FGF2: variants seen among roughly 807,000 people sequenced by gnomAD.
The protein encoded by FGF2 is fibroblast growth factor 2, also known as basic fibroblast growth factor bFGF.
In FGF2, 13 loss-of-function variants were observed where a neutral mutation model predicts 15.9. The ratio of observed to expected loss-of-function variants is 0.82; its 90% CI spans 0.53 to 1.30. The LOEUF is 1.30. Among genes scored for constraint, FGF2 ranks in the 50% most tolerant of loss-of-function variants. The pLI is 0.00. For missense variants in FGF2, 163 were observed against 196.9 expected, an observed-to-expected ratio of 0.83 and a Z score of 1.03; for synonymous variants, 90 against 78.4, an observed-to-expected ratio of 1.15 and a Z score of -0.78.
At chr4:122,861,518 T>TC (rs1315781389) in intron 1 of FGF2, among the ~76,000 whole-genome samples, 4 of 152,002 alleles carry the variant, frequency 2.6e-5, no homozygotes, top group African/African-American at 9.7e-5. Context: ...TCTTTTTACC[T>TC]CCCTCCCTTC....
intron 2 of FGF2, among the ~76,000 whole-genome samples, chr4:122,890,398 TA>T (rs2150791721): frequency 1.3e-5 from 2 of 152,302 alleles, no homozygotes; most frequent in South Asian, 4.1e-4. Flanking sequence ...TCTTTATGAG[TA>T]ACGTATTACA....
intron 1 of FGF2, among the ~76,000 whole-genome samples, chr4:122,859,660 A>ACACACACACATG (rs1726422228): frequency 6.6e-6 from 1 of 152,000 alleles, no homozygotes; most frequent in African/African-American, 2.4e-5. Context: ...ATATACACAC[A>ACACACACACATG]CACACACACA....
chr4:122,871,510 C>T (rs1726731272), intron 1 of FGF2, among the ~76,000 whole-genome samples: 1 of 152,018 alleles, frequency 6.6e-6, no homozygotes, highest in African/African-American at 2.4e-5. Flanking sequence ...AGTGCTTCAT[C>T]AAACTGGTCC....
intron 1 of FGF2, among the ~76,000 whole-genome samples, chr4:122,865,485 T>G (rs1459110396): frequency 6.6e-6 from 1 of 152,148 alleles, no homozygotes; most frequent in East Asian, 1.9e-4. Context: ...AGAGTGGGGT[T>G]TTGCCATGTT....
In FGF2 at chr4:122,845,991, G is replaced by A. The variant is rs1222708027; in HGVS notation, c.178+18639G>A. Among the ~76,000 whole-genome samples, 3 of 152,114 alleles carry A rather than the reference G, an allele frequency of 2.0e-5. No individual in the cohort carries two copies. In the East Asian group the frequency reaches 5.8e-4, roughly 29 times the overall value. ...CTAGGCTTAATCATTTCTAGATTTT[G>A]ATTTAAAGTGAAAGACAATGAGACT... On this transcript the variant is annotated intron_variant, in intron 1 of 2. Coordinates refer to ENST00000644866, the MANE Select transcript of FGF2 (RefSeq NM_001361665.2).
At chr4:122,883,562 T>A (rs1012526023) in intron 2 of FGF2, among the ~76,000 whole-genome samples, 1 of 152,260 alleles carries the variant, frequency 6.6e-6, no homozygotes, top group Non-Finnish European at 1.5e-5. Flanking sequence ...GGATAAATTT[T>A]GTTGCTATGA....
intron 1 of FGF2, among the ~76,000 whole-genome samples, chr4:122,846,241 A>G (rs1726106692): frequency 6.6e-6 from 1 of 152,218 alleles, no homozygotes; most frequent in African/African-American, 2.4e-5. Flanking sequence ...AAGATTACTG[A>G]TCACAGATCA....
intron 1 of FGF2, among the ~76,000 whole-genome samples, chr4:122,855,703 C>G (rs1018375708): frequency 6.6e-6 from 1 of 152,120 alleles, no homozygotes; most frequent in African/African-American, 2.4e-5. Flanking sequence ...ATTCAGTAAG[C>G]GTTGCAGGAA....
chr4:122,871,579 A>G (rs1023314065), intron 1 of FGF2, among the ~76,000 whole-genome samples: 1 of 152,044 alleles, frequency 6.6e-6, no homozygotes, highest in Non-Finnish European at 1.5e-5. Context: ...CAGACACCCT[A>G]TGCAGGAGCG....
At chr4:122,856,575 A>T (rs77495252) in intron 1 of FGF2, among the ~76,000 whole-genome samples, 32 of 152,248 alleles carry the variant, frequency 2.1e-4, no homozygotes, top group African/African-American at 7.5e-4. Context: ...AATATTAATT[A>T]TTAAGCTAGA....
intron 1 of FGF2, among the ~76,000 whole-genome samples, chr4:122,850,843 C>CT (rs1245302166): frequency 6.6e-6 from 1 of 152,068 alleles, no homozygotes; most frequent in Non-Finnish European, 1.5e-5. Flanking sequence ...TTTTAGGCTT[C>CT]TTTTTTGGGA....
chr4:122,827,537 G>T lies in FGF2; in HGVS notation c.178+185G>T, dbSNP rs556413775. ...CACCCCCTCCTTTCCGGGCTGCGGC[G>T]TAGGCCCGGGTGTCCCCTGGGCTTT... On this transcript the variant is annotated intron_variant, in intron 1 of 2. Coordinates refer to ENST00000644866, the MANE Select transcript of FGF2 (RefSeq NM_001361665.2). The surrounding 1 kb of genome is among the most constrained non-coding windows in gnomAD (Gnocchi z 4.2). Among the ~76,000 whole-genome samples the T allele has an allele frequency of 2.3e-4, 35 of 152,228 alleles. 1 individual carries two copies. The highest frequency in any genetic ancestry group is 4.6e-4 in the Non-Finnish European group (31 of 68,006).
chr4:122,884,855 T>C (rs1405254838), intron 2 of FGF2: 1 of 152,370 alleles, frequency 6.6e-6, no homozygotes, highest in Non-Finnish European at 1.5e-5. Flanking sequence ...GCTCATGTGC[T>C]TATTTCTTTC....
intron 2 of FGF2, among the ~76,000 whole-genome samples, chr4:122,877,537 T>C (rs1726881434): frequency 1.3e-5 from 2 of 152,262 alleles, no homozygotes; most frequent in Admixed American, 6.5e-5. Flanking sequence ...GAAACGGGAC[T>C]GCATATCTGT....
At chr4:122,853,842 A>T (rs563803849) in intron 1 of FGF2, among the ~76,000 whole-genome samples, 16 of 152,336 alleles carry the variant, frequency 1.1e-4, no homozygotes, top group African/African-American at 3.8e-4. Context: ...ACTAAAATGG[A>T]CAATATTGAT....
intron 1 of FGF2, among the ~76,000 whole-genome samples, chr4:122,835,961 C>T (rs1332716572): frequency 6.6e-6 from 1 of 152,222 alleles, no homozygotes; most frequent in African/African-American, 2.4e-5. Context: ...CACAACTCCT[C>T]CCATCCTCAC....
At position 122,892,499 on chromosome 4, in the gene FGF2, G is replaced by C; in HGVS notation, c.*103G>C. On this transcript the variant is annotated 3_prime_UTR_variant, in exon 3 of 3. Transcript: ENST00000644866. ...AAATAAATGTGTATAGCTCAGTTTG[G>C]ATAATTGGTCAAACAATTTTTTATC... 1 of 1,554,870 alleles carries C rather than the reference G, an allele frequency of 6.4e-7. No individual in the cohort carries two copies. Among genetic ancestry groups the C allele is most frequent in the Non-Finnish European group, 8.7e-7 (1 of 1,150,884 alleles).
Position 122,827,486 on chromosome 4 carries a change from C to T in FGF2, c.178+134C>T. 1 of 1,062,438 alleles carries T rather than the reference C, an allele frequency of 9.4e-7. No homozygotes were observed. 65.8% of individuals were successfully genotyped at this position (1,062,438 alleles called of 1,614,324 possible). On this transcript the variant is annotated intron_variant, in intron 1 of 2. Coordinates refer to ENST00000644866, the MANE Select transcript of FGF2 (RefSeq NM_001361665.2). This position sits in a 1 kb window ranked among gnomAD's most constrained non-coding sequence, Gnocchi z 4.2. ...CTCCGTGTGGTTTCTGGCCGCGCGG[C>T]CCTCGGCGGTTTCGGGTTCACCACT...
intron 1 of FGF2, among the ~76,000 whole-genome samples, chr4:122,848,318 C>A (rs1179046761): frequency 6.6e-6 from 1 of 152,164 alleles, no homozygotes; most frequent in Non-Finnish European, 1.5e-5. Flanking sequence ...TCTTGTCTTT[C>A]CCCTGAGGTG....
Sources: gnomAD v4.1 joint callset for allele counts (sites outside exome capture counted in the v4.1 genomes callset) on GRCh38, gnomAD v4.1.1 for gene constraint, Gnocchi (gnomAD v3.1) non-coding constraint, MANE v1.5 for transcripts, NCBI Gene and HGNC (gene_info 2026-07-23, HGNC 2026-07-21) for gene names.